Variants in SLC44A3 observed in about 807,000 individuals in gnomAD.
SLC44A3 encodes the protein choline transporter-like protein 3.
Under a neutral mutation model 75.4 loss-of-function variants are expected in SLC44A3, and 74 were observed. That is an observed-to-expected ratio of 0.98 (90% CI 0.81 to 1.19). The LOEUF (loss-of-function observed/expected upper bound fraction) is 1.19. Ranked by LOEUF, SLC44A3 falls within the 50% of genes most tolerant of loss-of-function variation. SLC44A3 has a pLI of 0.00. For missense variants in SLC44A3, 700 were observed against 778.6 expected, an observed-to-expected ratio of 0.90 and a Z score of 1.20; for synonymous variants, 310 against 296.9, an observed-to-expected ratio of 1.04 and a Z score of -0.45.
At position 94,820,436 on chromosome 1, in the gene SLC44A3, C is replaced by A; in HGVS notation, c.-16C>A. ...GCGGCGGCTCCCAGTCACCGGCCCC[C>A]GCCGGCGAGCGCACGATGCACTGCC... On this transcript the variant is annotated 5_prime_UTR_variant, in exon 1 of 15. Coordinates refer to ENST00000271227, the MANE Select transcript of SLC44A3 (RefSeq NM_001114106.3). The A allele has an allele frequency of 1.4e-6, 2 of 1,456,282 alleles. No homozygotes were observed. The highest frequency in any genetic ancestry group is 1.8e-6 in the Non-Finnish European group (2 of 1,107,486). The allele number at this position is 1,456,282 out of a possible 1,614,324, so 90.2% of individuals were successfully genotyped here.
intron 2 of SLC44A3, among the ~76,000 whole-genome samples, chr1:94,821,830 A>C (rs950140516): frequency 1.3e-5 from 2 of 152,206 alleles, no homozygotes; most frequent in East Asian, 1.9e-4. Flanking sequence ...CCTTTGTTGA[A>C]AAGAATTCCA....
chr1:94,829,460 TCCTTGCAAGGTCTTATTCAC>T (rs1661829827), intron 5 of SLC44A3, among the ~76,000 whole-genome samples: 1 of 152,174 alleles, frequency 6.6e-6, no homozygotes, highest in East Asian at 1.9e-4. Context: ...CTTGGTGGGC[TCCTTGCAAGGTCTTATTCAC>T]CCCTGTAAAT....
intron 10 of SLC44A3, 127 bp downstream of exon 10, chr1:94,857,627 A>T (rs1283088203): frequency 1.6e-5 from 16 of 995,230 alleles, no homozygotes; most frequent in Non-Finnish European, 2.1e-5. Flanking sequence ...AGAATAAAAG[A>T]GTAAGCTAAA....
intron 7 of SLC44A3, among the ~76,000 whole-genome samples, chr1:94,841,712 C>T (rs572443896): frequency 6.6e-6 from 1 of 152,224 alleles, no homozygotes; most frequent in East Asian, 1.9e-4. Flanking sequence ...CTGCTCGCAT[C>T]CAGACCCAAC....
chr1:94,881,084 A>G (rs1668915037), intron 12 of SLC44A3, among the ~76,000 whole-genome samples: 1 of 152,168 alleles, frequency 6.6e-6, no homozygotes, highest in Admixed American at 6.5e-5. Flanking sequence ...TCTGAAGCAA[A>G]TGCCTTTAAA....
At chr1:94,894,239 G>C (rs1670527245) in intron 14 of SLC44A3, among the ~76,000 whole-genome samples, 1 of 152,176 alleles carries the variant, frequency 6.6e-6, no homozygotes, top group Non-Finnish European at 1.5e-5. Flanking sequence ...CTCAGAAATT[G>C]ATACTCCATA....
chr1:94,865,277 C>G (rs1189659700), intron 11 of SLC44A3, among the ~76,000 whole-genome samples: 1 of 151,986 alleles, frequency 6.6e-6, no homozygotes, highest in African/African-American at 2.4e-5. Context: ...AAAAAATATA[C>G]CATAAGATAG....
Position 94,837,869 on chromosome 1 carries a change from T to C in SLC44A3, c.668T>C (p.Leu223Ser). 6.3e-7 allele frequency: 1 copy of C among 1,588,878 alleles called. No individual in the cohort carries two copies. Among genetic ancestry groups the C allele is most frequent in the Non-Finnish European group, 8.5e-7 (1 of 1,170,590 alleles). The change falls in exon 6 of 15, where the codon TTA (leucine) becomes TCA (serine). Residue 223 changes from leucine to serine, a missense_variant and splice_region_variant. By Grantham distance (145) the Leu-to-Ser change is moderately radical. Coordinates refer to ENST00000271227, the MANE Select transcript of SLC44A3 (RefSeq NM_001114106.3). ...ATCCTTGGCCTGTGTATCCTCGCATTAGGTAATTCTCAGTTAAGTTAATTT... is the reference window on the plus strand; with the variant it reads ...ATCCTTGGCCTGTGTATCCTCGCATCAGGTAATTCTCAGTTAAGTTAATTT... ...DTILGLCILALALSLAMMFTF... is the reference protein window; with the variant it reads ...DTILGLCILASALSLAMMFTF...
At chr1:94,866,980 T>C (rs1164425826) in intron 11 of SLC44A3, among the ~76,000 whole-genome samples, 1 of 152,106 alleles carries the variant, frequency 6.6e-6, no homozygotes, top group African/African-American at 2.4e-5. Flanking sequence ...ATATAAACTT[T>C]GGTTTGAAAA....
chr1:94,827,170 G>A (rs1266359801), intron 3 of SLC44A3, among the ~76,000 whole-genome samples: 1 of 152,200 alleles, frequency 6.6e-6, no homozygotes, highest in Non-Finnish European at 1.5e-5. Flanking sequence ...CCATTGAATA[G>A]TTTGTGCATT....
intron 12 of SLC44A3, among the ~76,000 whole-genome samples, chr1:94,876,453 G>T (rs1198323321): frequency 6.6e-6 from 1 of 152,194 alleles, no homozygotes; most frequent in Admixed American, 6.5e-5. Context: ...GTGACTGTAG[G>T]CACGTTCCTC....
chr1:94,837,349 T>C (rs544689004), intron 5 of SLC44A3, among the ~76,000 whole-genome samples: 1 of 152,232 alleles, frequency 6.6e-6, no homozygotes, highest in Non-Finnish European at 1.5e-5. Flanking sequence ...ACTATGGGAA[T>C]TTATGGATAC....
chr1:94,841,738 C>G (rs1017331419), intron 7 of SLC44A3, among the ~76,000 whole-genome samples: 4 of 152,178 alleles, frequency 2.6e-5, no homozygotes, highest in Admixed American at 1.3e-4. Context: ...GGTTAGGTGC[C>G]TGTGTTCTGG....
intron 9 of SLC44A3, among the ~76,000 whole-genome samples, chr1:94,846,911 TCTC>T (rs1557833647): frequency 6.6e-6 from 1 of 152,202 alleles, no homozygotes; most frequent in African/African-American, 2.4e-5. Context: ...TCCCCTTCCT[TCTC>T]CTCTGGAGCT....
At chr1:94,873,193 T>C (rs992625703) in intron 12 of SLC44A3, among the ~76,000 whole-genome samples, 2 of 152,218 alleles carry the variant, frequency 1.3e-5, no homozygotes, top group Non-Finnish European at 2.9e-5. Flanking sequence ...TGGGCTATCA[T>C]GCAAGATAGC....
intron 3 of SLC44A3, among the ~76,000 whole-genome samples, chr1:94,827,204 C>G (rs1233970739): frequency 6.6e-6 from 1 of 152,218 alleles, no homozygotes; most frequent in Admixed American, 6.5e-5. Flanking sequence ...AATCAATGGA[C>G]AGTTTAACCA....
intron 4 of SLC44A3, 76 bp from the exon 5 acceptor site, chr1:94,828,417 G>A (rs1005570271): frequency 4.9e-6 from 6 of 1,212,262 alleles, no homozygotes; most frequent in African/African-American, 4.6e-5. Context: ...CTCCTTTCTG[G>A]TTTGGTAACA....
chr1:94,889,553 C>CACAA (rs370393089), intron 12 of SLC44A3, among the ~76,000 whole-genome samples: 1 of 149,428 alleles, frequency 6.7e-6, no homozygotes, highest in Admixed American at 6.7e-5. Flanking sequence ...CACACACACA[C>CACAA]ATTTGTAGTC....
intron 2 of SLC44A3, among the ~76,000 whole-genome samples, chr1:94,821,740 T>C (rs1019940065): frequency 3.9e-5 from 6 of 152,202 alleles, no homozygotes; most frequent in African/African-American, 1.4e-4. Flanking sequence ...AAATCATCCA[T>C]GCCAGGATAA....
Sources: gnomAD v4.1 joint callset for allele counts (sites outside exome capture counted in the v4.1 genomes callset) on GRCh38, gnomAD v4.1.1 for gene constraint, MANE v1.5 for transcripts, NCBI Gene and HGNC (gene_info 2026-07-23, HGNC 2026-07-21) for gene names.